Variants in PCDHGB5 observed in about 807,000 individuals in gnomAD.
PCDHGB5 encodes the protein protocadherin gamma-B5.
PCDHGB5 carries 48 observed loss-of-function variants against 62.9 expected under a neutral mutation model. The observed-to-expected ratio is 0.76, with a 90% CI of 0.61 to 0.97. PCDHGB5 has a LOEUF of 0.97. PCDHGB5 is among the 50% of genes least tolerant of loss of function. The pLI is 0.00. For synonymous variants in PCDHGB5, 474 were observed against 511.2 expected (o/e 0.93, Z 0.98); for missense variants, 1,118 against 1,198.6 (o/e 0.93, Z 0.99).
chr5:141,420,613 A>G (rs536307424), intron 1 of PCDHGB5, among the ~76,000 whole-genome samples: 53 of 152,194 alleles, frequency 3.5e-4, no homozygotes, highest in Non-Finnish European at 1.9e-4. Flanking sequence ...CAAGTATTTC[A>G]TCTTCATTTA....
chr5:141,477,568 C>G lies in PCDHGB5; in HGVS notation c.2398-17239C>G. 1 of 1,614,172 alleles carries G rather than the reference C, an allele frequency of 6.2e-7. No individual in the cohort carries two copies. Among genetic ancestry groups the G allele is most frequent in the Non-Finnish European group, 8.5e-7 (1 of 1,180,044 alleles). On this transcript the variant is annotated intron_variant, in intron 1 of 3. Coordinates refer to ENST00000617380, the MANE Select transcript of PCDHGB5 (RefSeq NM_018925.3). The surrounding 1 kb of genome is among the most constrained non-coding windows in gnomAD (Gnocchi z 4.9). ...TACTAAACCTAAGTGTCTGGGACCC[C>G]GACGCCCCGCAGAATGCTCGGCTTT...
chr5:141,486,100 C>G lies in PCDHGB5; in HGVS notation c.2398-8707C>G. Reference sequence around the variant, plus strand: ...AGCTTACTCTTTTGGGGCCCCTAGACTTTGAGAGTGAGAATTACTATGAAT... The same window carrying G: ...AGCTTACTCTTTTGGGGCCCCTAGAGTTTGAGAGTGAGAATTACTATGAAT... On this transcript the variant is annotated intron_variant, in intron 1 of 3. Transcript: ENST00000617380. This position sits in a 1 kb window ranked among gnomAD's most constrained non-coding sequence, Gnocchi z 5.0. 1 of 1,614,190 alleles carries G rather than the reference C, an allele frequency of 6.2e-7. No individual in the cohort carries two copies. The highest frequency in any genetic ancestry group is 1.1e-5 in the South Asian group (1 of 91,086).
chr5:141,494,446 G>C (rs1046119515), intron 1 of PCDHGB5, among the ~76,000 whole-genome samples: 2 of 152,172 alleles, frequency 1.3e-5, no homozygotes, highest in African/African-American at 4.8e-5. Context: ...TGCCACTTTA[G>C]GGGGCTTTGT....
intron 1 of PCDHGB5, chr5:141,421,694 C>G (rs2096592726): frequency 6.2e-7 from 1 of 1,613,936 alleles, no homozygotes. Flanking sequence ...TTTGCTCTTC[C>G]TAATGCTAGG....
rs2099746956 is a variant in PCDHGB5 at position 141,493,207 on chromosome 5, A to C, written c.2398-1600A>C. Among the ~76,000 whole-genome samples, 1 of 152,152 alleles carries C rather than the reference A, an allele frequency of 6.6e-6. No individual in the cohort carries two copies. The highest frequency in any genetic ancestry group is 2.4e-5 in the African/African-American group (1 of 41,442). On this transcript the variant is annotated intron_variant, in intron 1 of 3. Coordinates refer to ENST00000617380, the MANE Select transcript of PCDHGB5 (RefSeq NM_018925.3). The surrounding 1 kb of genome is among the most constrained non-coding windows in gnomAD (Gnocchi z 4.3). ...ATAACTCCTTTGAGAACCTCATCTC[A>C]TTTGCTCTTCCCACCATTGCTGTTG...
At chr5:141,470,227 C>A (rs1387947362) in intron 1 of PCDHGB5, among the ~76,000 whole-genome samples, 1 of 152,160 alleles carries the variant, frequency 6.6e-6, no homozygotes, top group Non-Finnish European at 1.5e-5. Flanking sequence ...AGCTTCTTCA[C>A]CAAACCCTTG....
chr5:141,511,276 T>C lies in PCDHGB5; in HGVS notation c.*103T>C. On this transcript the variant is annotated 3_prime_UTR_variant, in exon 4 of 4. Coordinates refer to ENST00000617380, the MANE Select transcript of PCDHGB5 (RefSeq NM_018925.3). ...AGAGTTTCAGGGCTAACCCCCAGAA[T>C]ACTGGTAGGGGCCAAGGCCATGCTC... 6.5e-7 allele frequency: 1 copy of C among 1,538,084 alleles called. No homozygotes were observed. Among genetic ancestry groups the C allele is most frequent in the Non-Finnish European group, 8.8e-7 (1 of 1,140,720 alleles).
intron 1 of PCDHGB5, chr5:141,409,395 C>T: frequency 6.2e-7 from 1 of 1,614,030 alleles, no homozygotes; most frequent in South Asian, 1.1e-5. Flanking sequence ...TATTCTTCTT[C>T]CAATAACTAC....
At chr5:141,484,707 G>C (rs1288663675) in intron 1 of PCDHGB5, among the ~76,000 whole-genome samples, 1 of 151,802 alleles carries the variant, frequency 6.6e-6, no homozygotes. Flanking sequence ...TGTTTTCCCC[G>C]CCGAAAAGGG....
In PCDHGB5 at chr5:141,400,030, C is replaced by T. The variant is rs201599536; in HGVS notation, c.1903C>T (p.Arg635Cys). 180 of 1,613,050 alleles carry T rather than the reference C, an allele frequency of 1.1e-4. No individual in the cohort carries two copies. Among genetic ancestry groups the T allele is most frequent in the East Asian group, 1.6e-4 (7 of 44,886 alleles). Residue 635 changes from arginine (R) to cysteine (C), a missense_variant, in exon 1 of 4, where the codon CGC becomes TGC. Physicochemically the swap from Arg to Cys is radical, Grantham distance 180. Around this residue, in one of 2 missense-constraint regions of PCDHGB5, gnomAD observed 1,034 missense variants for 1,029.1 expected, o/e 1.00. Coordinates refer to ENST00000617380, the MANE Select transcript of PCDHGB5 (RefSeq NM_018925.3). Reference sequence around the variant, plus strand: ...TGCCTTGGGCGACAGGGACGCGGCCCGCCAGCGCCTGCTGGTTGCTGTGCG... The same window carrying T: ...TGCCTTGGGCGACAGGGACGCGGCCTGCCAGCGCCTGCTGGTTGCTGTGCG... Reference protein sequence around the residue: ...ARALGDRDAARQRLLVAVRDG... With the variant: ...ARALGDRDAACQRLLVAVRDG...
intron 1 of PCDHGB5, chr5:141,410,847 G>GTTTTTTT (rs773839667): frequency 8.8e-5 from 14 of 158,320 alleles, no homozygotes; most frequent in African/African-American, 4.2e-4. Flanking sequence ...TTTTGTCTTT[G>GTTTTTTT]TCTTTTTTTT....
Position 141,432,155 on chromosome 5 carries a change from C to T in PCDHGB5, c.2397+31631C>T, listed in dbSNP as rs368480052. 3.8e-5 allele frequency: 62 copies of T among 1,614,178 alleles called. No individual in the cohort carries two copies. In the African/African-American group the frequency reaches 7.1e-4, roughly 18 times the overall value. On this transcript the variant is annotated intron_variant, in intron 1 of 3. Coordinates refer to ENST00000617380, the MANE Select transcript of PCDHGB5 (RefSeq NM_018925.3). This position sits in a 1 kb window ranked among gnomAD's most constrained non-coding sequence, Gnocchi z 6.0. ...TTCCGCTTATATCCCAGAGAACAATCCCAGAGGAGTTTCCCTCGTCTCTGT... is the reference window on the plus strand; with the variant it reads ...TTCCGCTTATATCCCAGAGAACAATTCCAGAGGAGTTTCCCTCGTCTCTGT...
intron 1 of PCDHGB5, chr5:141,419,616 A>G (rs1291494618): frequency 6.2e-7 from 1 of 1,612,086 alleles, no homozygotes; most frequent in African/African-American, 1.3e-5. Flanking sequence ...CAGCCAGGCT[A>G]CCTGGTGACC....
chr5:141,479,188 A>G (rs2099489531), intron 1 of PCDHGB5: 1 of 152,606 alleles, frequency 6.6e-6, no homozygotes. Context: ...TAGAAAATTC[A>G]GAAAATACAG....
intron 1 of PCDHGB5, chr5:141,420,053 T>C (rs1178680836): frequency 3.1e-6 from 5 of 1,613,970 alleles, no homozygotes; most frequent in Non-Finnish European, 2.5e-6. Context: ...GTCAGTTCTC[T>C]GCTCCAAGTC....
intron 1 of PCDHGB5, chr5:141,408,715 G>T: frequency 1.9e-6 from 3 of 1,612,078 alleles, no homozygotes; most frequent in Non-Finnish European, 2.5e-6. Flanking sequence ...AAGATTATAA[G>T]ATAAACTCTA....
In PCDHGB5 at chr5:141,415,292, G is replaced by T. The variant is rs778092218; in HGVS notation, c.2397+14768G>T. The T allele has an allele frequency of 1.7e-5, 28 of 1,614,082 alleles. No individual in the cohort carries two copies. Among genetic ancestry groups the T allele is most frequent in the Non-Finnish European group, 2.3e-5 (27 of 1,180,046 alleles). Reference sequence around the variant, plus strand: ...GTGGTAGCGGTGGCCGCGGTCTCCTGCGTCTTCCTGGCCTTCGTCATCGTG... The same window carrying T: ...GTGGTAGCGGTGGCCGCGGTCTCCTTCGTCTTCCTGGCCTTCGTCATCGTG... On this transcript the variant is annotated intron_variant, in intron 1 of 3. Coordinates refer to ENST00000617380, the MANE Select transcript of PCDHGB5 (RefSeq NM_018925.3).
At chr5:141,488,438 C>T (rs2099675393) in intron 1 of PCDHGB5, among the ~76,000 whole-genome samples, 1 of 152,146 alleles carries the variant, frequency 6.6e-6, no homozygotes, top group African/African-American at 2.4e-5. Flanking sequence ...CTCTGACCAC[C>T]CTCCTGGGTG....
chr5:141,487,577 C>A lies in PCDHGB5; in HGVS notation c.2398-7230C>A. 1.2e-6 allele frequency: 2 copies of A among 1,614,150 alleles called. No individual in the cohort carries two copies. Among genetic ancestry groups the A allele is most frequent in the Non-Finnish European group, 1.7e-6 (2 of 1,180,024 alleles). ...ACCTATGGCAGGGGAGCCTGTTCGC[C>A]CAAGCTGCCCACCCTCTGATCTTCT... On this transcript the variant is annotated intron_variant, in intron 1 of 3. Coordinates refer to ENST00000617380, the MANE Select transcript of PCDHGB5 (RefSeq NM_018925.3). The surrounding 1 kb of genome is among the most constrained non-coding windows in gnomAD (Gnocchi z 5.0).
Sources: allele counts gnomAD v4.1 joint callset (sites outside exome capture counted in the v4.1 genomes callset), GRCh38; gene constraint gnomAD v4.1.1; regional missense constraint gnomAD v4.1.1; non-coding constraint Gnocchi (gnomAD v3.1); transcripts MANE v1.5; gene names NCBI Gene and HGNC (gene_info 2026-07-23, HGNC 2026-07-21).